SYN3: variants seen among roughly 807,000 people sequenced by gnomAD.
SYN3 encodes synapsin-3.
In SYN3, 35 loss-of-function variants were observed where a neutral mutation model predicts 65.8. The observed-to-expected ratio is 0.53, with a 90% CI of 0.41 to 0.70. The LOEUF (loss-of-function observed/expected upper bound fraction) is 0.70, where lower values mean the gene tolerates loss of function less well. SYN3 is among the 30% of genes least tolerant of loss of function. The pLI is 0.00. For missense variants in SYN3, 680 were observed against 749.0 expected (o/e 0.91, Z 1.08); for synonymous variants, 270 against 292.9 (o/e 0.92, Z 0.80).
chr22:33,000,608 T>C (rs1279588762), intron 2 of SYN3, among the ~76,000 whole-genome samples: 2 of 152,180 alleles, frequency 1.3e-5, no homozygotes, highest in African/African-American at 2.4e-5. Flanking sequence ...TCTGTCTTCC[T>C]GAGAAGGGCT....
chr22:32,949,944 A>T (rs953213391), intron 3 of SYN3, among the ~76,000 whole-genome samples: 1 of 152,142 alleles, frequency 6.6e-6, no homozygotes, highest in African/African-American at 2.4e-5. Flanking sequence ...CTGAGGGAGG[A>T]TTGTGACACA....
intron 1 of SYN3, among the ~76,000 whole-genome samples, chr22:33,025,449 A>G (rs1485966628): frequency 2.0e-5 from 3 of 150,590 alleles, no homozygotes; most frequent in African/African-American, 2.4e-5. Context: ...AAAAAAAAAA[A>G]AAAAAGAAAG....
In SYN3 at chr22:32,509,417, A is replaced by T. The variant is rs2057666796; in HGVS notation, c.*4275T>A. Among the ~76,000 whole-genome samples the T allele has an allele frequency of 6.6e-6, 1 of 152,098 alleles. No individual in the cohort carries two copies. Among genetic ancestry groups the T allele is most frequent in the African/African-American group, 2.4e-5 (1 of 41,414 alleles). Reference sequence around the variant, plus strand: ...CTCTCCCTCCTTTTTGCCCTTTCCCATTTCAAAATGTCACAATTATTAAAG... The same window carrying T: ...CTCTCCCTCCTTTTTGCCCTTTCCCTTTTCAAAATGTCACAATTATTAAAG... On this transcript the variant is annotated 3_prime_UTR_variant, in exon 14 of 14. Coordinates refer to ENST00000358763, the MANE Select transcript of SYN3 (RefSeq NM_003490.4).
intron 6 of SYN3, among the ~76,000 whole-genome samples, chr22:32,663,887 T>C (rs1569135276): frequency 1.3e-5 from 2 of 152,138 alleles, no homozygotes; most frequent in African/African-American, 2.4e-5. Context: ...AGAGAGATAG[T>C]GGAAGGAAAG....
At chr22:32,654,823 C>T (rs977513457) in intron 6 of SYN3, among the ~76,000 whole-genome samples, 1 of 152,184 alleles carries the variant, frequency 6.6e-6, no homozygotes, top group African/African-American at 2.4e-5. Context: ...CAGGCTCCAC[C>T]CCTTGATATT....
At chr22:32,957,878 C>T (rs1213418572) in intron 3 of SYN3, among the ~76,000 whole-genome samples, 2 of 152,228 alleles carry the variant, frequency 1.3e-5, no homozygotes, top group African/African-American at 4.8e-5. Flanking sequence ...TTTTCTTCCA[C>T]AGGGGCTACC....
At chr22:32,665,141 G>A (rs2060273305) in intron 6 of SYN3, among the ~76,000 whole-genome samples, 1 of 151,662 alleles carries the variant, frequency 6.6e-6, no homozygotes, top group South Asian at 2.1e-4. Flanking sequence ...GGGACTACAG[G>A]CATGTTCCAC....
intron 3 of SYN3, among the ~76,000 whole-genome samples, chr22:32,949,766 A>G (rs1260709075): frequency 6.6e-6 from 1 of 152,204 alleles, no homozygotes; most frequent in African/African-American, 2.4e-5. Context: ...GGTGATTGTA[A>G]TCATCATCAT....
At chr22:33,047,955 G>A (rs572975267) in intron 1 of SYN3, among the ~76,000 whole-genome samples, 3 of 151,626 alleles carry the variant, frequency 2.0e-5, no homozygotes, top group East Asian at 3.9e-4. Context: ...TTGAACTCAG[G>A]TCTGTGTTGC....
intron 2 of SYN3, among the ~76,000 whole-genome samples, chr22:32,991,876 C>T (rs77421051): frequency 0.017 from 2,643 of 152,300 alleles, 50 homozygotes; most frequent in Non-Finnish European, 0.027. Context: ...TCTCTCCTGT[C>T]GAAGATGCAC....
At chr22:32,998,570 G>A (rs576689427) in intron 2 of SYN3, among the ~76,000 whole-genome samples, 9 of 152,132 alleles carry the variant, frequency 5.9e-5, no homozygotes, top group African/African-American at 2.2e-4. Context: ...AGGGAGGACC[G>A]CAGTGACCTG....
intron 12 of SYN3, among the ~76,000 whole-genome samples, chr22:32,522,380 G>A (rs1465356932): frequency 6.6e-6 from 1 of 152,020 alleles, no homozygotes; most frequent in East Asian, 1.9e-4. Context: ...TTTTACTCTG[G>A]GCCAGAGAGG....
At chr22:33,032,708 T>A (rs2053777032) in intron 1 of SYN3, among the ~76,000 whole-genome samples, 1 of 152,102 alleles carries the variant, frequency 6.6e-6, no homozygotes. Context: ...CTGGTGTCTT[T>A]ACTGAAGCAT....
chr22:33,009,135 T>C (rs966219277), intron 1 of SYN3, among the ~76,000 whole-genome samples: 6 of 152,066 alleles, frequency 3.9e-5, no homozygotes, highest in Admixed American at 6.6e-5. Flanking sequence ...ATCTTTTCTT[T>C]GGGAAAATAC....
At chr22:32,774,094 T>G (rs974894762) in intron 6 of SYN3, among the ~76,000 whole-genome samples, 2 of 150,890 alleles carry the variant, frequency 1.3e-5, no homozygotes. Context: ...GAAGGGAGGG[T>G]CTTGATGGGA....
At chr22:33,023,801 T>C (rs2053596473) in intron 1 of SYN3, among the ~76,000 whole-genome samples, 2 of 152,220 alleles carry the variant, frequency 1.3e-5, no homozygotes, top group African/African-American at 4.8e-5. Context: ...TGGGCCCCTC[T>C]GTGATTGTTG....
At chr22:32,961,234 A>G (rs1377453959) in intron 3 of SYN3, among the ~76,000 whole-genome samples, 1 of 151,998 alleles carries the variant, frequency 6.6e-6, no homozygotes, top group Non-Finnish European at 1.5e-5. Context: ...TGTTGGGGGG[A>G]TTGGGGCAAA....
At chr22:33,050,773 C>T (rs2054152381) in intron 1 of SYN3, among the ~76,000 whole-genome samples, 1 of 152,180 alleles carries the variant, frequency 6.6e-6, no homozygotes, top group African/African-American at 2.4e-5. Context: ...GCTCTAAATA[C>T]CAGCCCTGCC....
intron 6 of SYN3, among the ~76,000 whole-genome samples, chr22:32,848,173 C>T (rs1288976723): frequency 6.6e-6 from 1 of 152,180 alleles, no homozygotes; most frequent in South Asian, 2.1e-4. Flanking sequence ...AAGTCAAGTC[C>T]TCTCCTCTTT....
Sources: allele counts gnomAD v4.1 joint callset (sites outside exome capture counted in the v4.1 genomes callset), GRCh38; gene constraint gnomAD v4.1.1; transcripts MANE v1.5; gene names NCBI Gene and HGNC (gene_info 2026-07-23, HGNC 2026-07-21).